UBOX5: variants seen among roughly 807,000 people sequenced by gnomAD.
The protein encoded by UBOX5 is U-box domain containing 5, also known as RING finger protein 37.
In UBOX5, 28 loss-of-function variants were observed where a neutral mutation model predicts 39.0. The observed-to-expected ratio is 0.72, with a 90% CI of 0.53 to 0.98. The LOEUF (loss-of-function observed/expected upper bound fraction) is 0.98. Ranked by LOEUF, UBOX5 falls within the 50% of genes least tolerant of loss-of-function variation. The pLI, the probability that UBOX5 is intolerant of heterozygous loss-of-function variation, is 0.00. For missense variants in UBOX5, 585 were observed against 674.4 expected, an observed-to-expected ratio of 0.87 and a Z score of 1.47; for synonymous variants, 283 against 275.5, an observed-to-expected ratio of 1.03 and a Z score of -0.27.
At chr20:3,128,588 G>A (rs6133014) in intron 1 of UBOX5, among the ~76,000 whole-genome samples, 17,786 of 152,162 alleles carry the variant, frequency 0.12, 2,070 homozygotes, top group East Asian at 0.41. Context: ...AAAGCCGGGC[G>A]GAGTGGCTCA....
rs1238379406 is a variant in UBOX5 at position 3,121,894 on chromosome 20, G to A, written c.745C>T (p.Leu249=). Residue 249 remains leucine, a synonymous_variant, in exon 3 of 5, where the codon CTG becomes TTG. Transcript: ENST00000217173. The part of the protein sequence containing the change: ...QPESQQAPSS[L]QKLAEIIQDV... ...TGAATGATCTCGGCCAGCTTCTGCA[G>A]GCTGGAGGGAGCCTGCTGGCTCTCA... 2 of 1,613,998 alleles carry A rather than the reference G, an allele frequency of 1.2e-6. No individual in the cohort carries two copies. Among genetic ancestry groups the A allele is most frequent in the Admixed American group, 1.7e-5 (1 of 60,026 alleles).
chr20:3,129,229 G>A (rs74863981), intron 1 of UBOX5, among the ~76,000 whole-genome samples: 10,988 of 152,230 alleles, frequency 0.072, 504 homozygotes, highest in Middle Eastern at 0.12. Context: ...GTCCAGCCCC[G>A]TTACATGCTC....
chr20:3,159,069 C>G (rs1042040305), intron 1 of UBOX5, among the ~76,000 whole-genome samples: 1 of 152,078 alleles, frequency 6.6e-6, no homozygotes, highest in Non-Finnish European at 1.5e-5. Context: ...TGAGGGGACC[C>G]AAAGTTCCCT....
intron 1 of UBOX5, chr20:3,148,931 A>C: frequency 6.2e-7 from 1 of 1,614,204 alleles, no homozygotes; most frequent in African/African-American, 1.3e-5. Flanking sequence ...GCAGAGGCTA[A>C]TGTGTTCTGG....
At chr20:3,146,947 G>C in intron 1 of UBOX5, 1 of 1,614,204 alleles carries the variant, frequency 6.2e-7, no homozygotes, top group Non-Finnish European at 8.5e-7. Flanking sequence ...TGGAGCCATA[G>C]CAATACTGGT....
intron 1 of UBOX5, among the ~76,000 whole-genome samples, chr20:3,152,884 C>A (rs185107229): frequency 5.4e-5 from 8 of 148,136 alleles, no homozygotes; most frequent in Admixed American, 4.1e-4. Flanking sequence ...GCAGCCTGGG[C>A]GAAAGAGCAA....
At chr20:3,128,042 A>G (rs1568473802) in intron 1 of UBOX5, among the ~76,000 whole-genome samples, 1 of 152,372 alleles carries the variant, frequency 6.6e-6, no homozygotes, top group South Asian at 2.1e-4. Context: ...CACATGGACT[A>G]AAGTTTCTAC....
At chr20:3,136,255 GA>G (rs2148608819) in intron 1 of UBOX5, 1 of 150,536 alleles carries the variant, frequency 6.6e-6, no homozygotes, top group East Asian at 1.9e-4. Flanking sequence ...TTTTTTGAGG[GA>G]GGGGCATTCT....
intron 1 of UBOX5, among the ~76,000 whole-genome samples, chr20:3,139,410 C>A (rs2066497640): frequency 6.7e-6 from 1 of 149,764 alleles, no homozygotes; most frequent in Non-Finnish European, 1.5e-5. Flanking sequence ...TTTATTGAGA[C>A]AAGAGTTTTG....
intron 1 of UBOX5, among the ~76,000 whole-genome samples, chr20:3,145,418 TCAC>T (rs1428149844): frequency 6.7e-6 from 1 of 148,294 alleles, no homozygotes; most frequent in African/African-American, 2.5e-5. Flanking sequence ...CAGACCTGAG[TCAC>T]CACACTTGGC....
At chr20:3,140,455 A>C (rs2148612635) in intron 1 of UBOX5, among the ~76,000 whole-genome samples, 1 of 152,310 alleles carries the variant, frequency 6.6e-6, no homozygotes, top group East Asian at 1.9e-4. Flanking sequence ...CACCTTAGTA[A>C]CAGTGTCAGC....
chr20:3,139,258 A>T (rs928961958), intron 1 of UBOX5, among the ~76,000 whole-genome samples: 5 of 152,218 alleles, frequency 3.3e-5, no homozygotes, highest in Non-Finnish European at 7.3e-5. Flanking sequence ...ATGCAAAAAA[A>T]CCAGAACACA....
At chr20:3,147,436 C>T in intron 1 of UBOX5, 1 of 1,614,222 alleles carries the variant, frequency 6.2e-7, no homozygotes, top group Non-Finnish European at 8.5e-7. Flanking sequence ...CTAAATACCA[C>T]AGCAATTCAG....
intron 1 of UBOX5, among the ~76,000 whole-genome samples, chr20:3,158,306 A>C (rs564409391): frequency 6.6e-6 from 1 of 151,898 alleles, no homozygotes; most frequent in Non-Finnish European, 1.5e-5. Flanking sequence ...ACTTATTCAC[A>C]TGATGAATGG....
chr20:3,144,178 C>T (rs560679411), intron 1 of UBOX5, among the ~76,000 whole-genome samples: 1 of 152,270 alleles, frequency 6.6e-6, no homozygotes, highest in East Asian at 1.9e-4. Flanking sequence ...AATGGGCAAA[C>T]TGATCCTAAA....
chr20:3,145,447 T>C (rs77678161), intron 1 of UBOX5, among the ~76,000 whole-genome samples: 5 of 148,260 alleles, frequency 3.4e-5, no homozygotes, highest in Non-Finnish European at 7.6e-5. Context: ...TTTCCTTTTT[T>C]TTTTTTTTTT....
In UBOX5 at chr20:3,110,289, G is replaced by C. The variant is rs776906921; in HGVS notation, c.1443C>G (p.Pro481=). 2 of 1,613,976 alleles carry C rather than the reference G, an allele frequency of 1.2e-6. No homozygotes were observed. The highest frequency in any genetic ancestry group is 1.7e-6 in the Non-Finnish European group (2 of 1,180,040). ...ATACTCTTTTGCAGGAGGCACATTCGGGGCCCAGGATGCTCCCAGGCTGCT... is the reference window on the plus strand; with the variant it reads ...ATACTCTTTTGCAGGAGGCACATTCCGGGCCCAGGATGCTCCCAGGCTGCT... ...GSEQPGSILG[P]ECASCKRVFS... is the part of the protein sequence containing the mutation. The change falls in exon 5 of 5, where the codon CCC becomes CCG. Residue 481 remains proline, a synonymous_variant. Coordinates refer to ENST00000217173, the MANE Select transcript of UBOX5 (RefSeq NM_014948.4).
At position 3,127,036 on chromosome 20, in the gene UBOX5, CAAAAAAAAAAAAAAA is replaced by C. The variant is rs10579307; in HGVS notation, c.-41-3645_-41-3631del. On this transcript the variant is annotated intron_variant, in intron 1 of 4. Transcript: ENST00000217173. Reference sequence around the variant, plus strand: ...GGGCGACAAGAGCAAAACTCCGTCTCAAAAAAAAAAAAAAAAAAAAAAAAAAGGACATCTAATGCA... The same window carrying C: ...GGGCGACAAGAGCAAAACTCCGTCTCAAAAAAAAAAAGGACATCTAATGCA... Among the ~76,000 whole-genome samples the C allele has an allele frequency of 6.2e-4, 41 of 66,154 alleles. 1 individual carries two copies. Among genetic ancestry groups the C allele is most frequent in the South Asian group, 3.9e-3 (6 of 1,550 alleles). The allele number at this position is 66,154 out of a possible 152,430, so 43.4% of individuals were successfully genotyped here. A position where few individuals can be genotyped will look rare whatever the true frequency, so the allele number is the denominator to read the frequency against.
chr20:3,148,317 T>A, intron 1 of UBOX5: 2 of 1,613,904 alleles, frequency 1.2e-6, no homozygotes, highest in Non-Finnish European at 1.7e-6. Context: ...CCTAAGTACC[T>A]CCAGAGATCA....
Sources: allele counts gnomAD v4.1 joint callset (sites outside exome capture counted in the v4.1 genomes callset), GRCh38; gene constraint gnomAD v4.1.1; transcripts MANE v1.5; gene names NCBI Gene and HGNC (gene_info 2026-07-23, HGNC 2026-07-21).